SLC28A1: variants seen among roughly 807,000 people sequenced by gnomAD.
SLC28A1 encodes the protein sodium/nucleoside cotransporter 1.
A neutral mutation model predicts 74.8 loss-of-function variants in SLC28A1; 64 were observed. The observed-to-expected ratio is 0.86, with a 90% CI of 0.70 to 1.05. The LOEUF (loss-of-function observed/expected upper bound fraction) is 1.05, where lower values mean the gene tolerates loss of function less well. SLC28A1 is among the 50% of genes least tolerant of loss of function. SLC28A1 has a pLI of 0.00. For missense variants in SLC28A1, 828 were observed against 822.8 expected (o/e 1.01, Z -0.08); for synonymous variants, 359 against 335.0 (o/e 1.07, Z -0.78).
chr15:84,924,910 G>GGT (rs1970303412), intron 12 of SLC28A1, among the ~76,000 whole-genome samples: 1 of 146,424 alleles, frequency 6.8e-6, no homozygotes, highest in African/African-American at 2.5e-5. Context: ...TTTTTTGTTT[G>GGT]TTTGTTTTTG....
At chr15:84,918,233 G>A (rs1969375512) in intron 9 of SLC28A1, among the ~76,000 whole-genome samples, 1 of 152,106 alleles carries the variant, frequency 6.6e-6, no homozygotes. Flanking sequence ...GGTACACTCA[G>A]GCCCCACCCT....
chr15:84,888,728 TGGGTAA>T, intron 3 of SLC28A1, 38 bp from the exon 4 acceptor site: 1 of 1,399,146 alleles, frequency 7.1e-7, no homozygotes, highest in Non-Finnish European at 9.9e-7. Flanking sequence ...TTCCTGGGGG[TGGGTAA>T]GGGGCAGGCC....
In SLC28A1 at chr15:84,920,703, G is replaced by GTGTGTGTGTGTGTGTGTGTGTGT. The variant is rs113735505; in HGVS notation, c.877-286_877-285insTGTGTGTGTGTGTGTGTGTGTGT. ...TAATGTGTATTGGTAATCTCCAAGG[G>GTGTGTGTGTGTGTGTGTGTGTGT]GTGTGTGTGTGTGTGTGTGTGCATT... On this transcript the variant is annotated intron_variant, in intron 10 of 18. Transcript: ENST00000394573. 2.4e-3 allele frequency among the ~76,000 whole-genome samples: 336 copies of GTGTGTGTGTGTGTGTGTGTGTGT among 137,394 alleles called. 1 individual carries two copies. The highest frequency in any genetic ancestry group is 0.021 in the Middle Eastern group (5 of 240). 90.1% of individuals were successfully genotyped at this position (137,394 alleles called of 152,430 possible).
intron 15 of SLC28A1, among the ~76,000 whole-genome samples, chr15:84,942,316 G>T (rs1876417606): frequency 6.6e-6 from 1 of 152,068 alleles, no homozygotes; most frequent in Non-Finnish European, 1.5e-5. Flanking sequence ...ATTTTTAAAT[G>T]TACAATTAAG....
At chr15:84,887,721 G>T in intron 2 of SLC28A1, 24 bp from the exon 3 acceptor site, 1 of 1,606,286 alleles carries the variant, frequency 6.2e-7, no homozygotes, top group Non-Finnish European at 8.5e-7. Context: ...TTCAGCGTTG[G>T]GCGCTCCCTG....
intron 6 of SLC28A1, chr15:84,896,121 A>C (rs1965973721): frequency 4.2e-6 from 1 of 237,054 alleles, no homozygotes; most frequent in Non-Finnish European, 6.9e-6. Context: ...TAAAAAATGC[A>C]TGCAGATAAA....
At chr15:84,968,335 C>T in the SLC28A1 span, among the ~76,000 whole-genome samples, 1 of 152,180 alleles carries the variant, frequency 6.6e-6, no homozygotes, top group Non-Finnish European at 1.5e-5. Context: ...TGTTCTGGCT[C>T]AGGGTCTCTC....
rs113959720 is a variant in SLC28A1, at chr15:84,902,395, G to A, written c.462-1702G>A. Among the ~76,000 whole-genome samples, 1,462 of 151,970 alleles carry A rather than the reference G, an allele frequency of 9.6e-3. 27 individuals carry two copies. The highest frequency in any genetic ancestry group is 0.034 in the African/African-American group (1,406 of 41,420). On this transcript the variant is annotated intron_variant, in intron 6 of 18. Transcript: ENST00000394573. The stretch of plus-strand genomic sequence containing the variant: ...CTTGGGAAGCTGAGGCAGGAAAAGC[G>A]CTTAAACCCCGGAGGTGGAGGTTGC...
chr15:84,924,004 T>C lies in SLC28A1; in HGVS notation c.977T>C (p.Ile326Thr), dbSNP rs116218523. Residue 326 changes from isoleucine (I) to threonine (T), a missense_variant, in exon 12 of 19, where the codon ATC (isoleucine) becomes ACC (threonine). Coordinates refer to ENST00000394573, the MANE Select transcript of SLC28A1 (RefSeq NM_004213.5). ...FVSQTEAPLL[I>T]RPYLADMTLS... ...TTGCAGACCGAGGCTCCATTACTGA[T>C]CCGGCCCTACTTGGCAGACATGACA... 3.5e-5 allele frequency: 56 copies of C among 1,614,026 alleles called. 1 individual carries two copies. In the African/African-American group the frequency reaches 6.1e-4, roughly 18 times the overall value.
intron 15 of SLC28A1, among the ~76,000 whole-genome samples, chr15:84,936,550 C>T (rs1971966236): frequency 6.6e-6 from 1 of 152,178 alleles, no homozygotes; most frequent in South Asian, 2.1e-4. Flanking sequence ...AGCCACCATA[C>T]CCGGCCATCA....
intron 15 of SLC28A1, among the ~76,000 whole-genome samples, chr15:84,937,352 T>A (rs958861565): frequency 1.3e-5 from 2 of 152,194 alleles, no homozygotes; most frequent in African/African-American, 2.4e-5. Context: ...GACTCCCACA[T>A]GAGTCTTCAC....
rs140778834 is a variant in SLC28A1, at chr15:84,884,947, G to A, written c.-133+196G>A. Among the ~76,000 whole-genome samples, 1,297 of 152,198 alleles carry A rather than the reference G, an allele frequency of 8.5e-3. 12 individuals carry two copies. Among genetic ancestry groups the A allele is most frequent in the Middle Eastern group, 0.027 (8 of 294 alleles). On this transcript the variant is annotated intron_variant, in intron 1 of 18. Transcript: ENST00000394573. ...ATGGAGACAGTAGTGCTGCTCAGAGGCATTTAGTTTTTGTTTCTTTTCTGT... is the reference window on the plus strand; with the variant it reads ...ATGGAGACAGTAGTGCTGCTCAGAGACATTTAGTTTTTGTTTCTTTTCTGT...
At chr15:84,895,778 G>T in intron 6 of SLC28A1, 4 of 1,186,902 alleles carry the variant, frequency 3.4e-6, no homozygotes, top group Admixed American at 4.0e-5. Flanking sequence ...AGTTTCTATG[G>T]CTTAAAAAAA....
intron 12 of SLC28A1, chr15:84,926,499 A>G (rs766662755): frequency 1.1e-5 from 5 of 451,990 alleles, no homozygotes; most frequent in African/African-American, 4.0e-5. Flanking sequence ...CATTGCATCC[A>G]GCTTCAATCA....
chr15:84,895,940 A>G (rs1238613706), intron 6 of SLC28A1: 1 of 989,492 alleles, frequency 1.0e-6, no homozygotes, highest in African/African-American at 1.7e-5. Flanking sequence ...CAGCAAAATG[A>G]TTTGAGCCAG....
intron 8 of SLC28A1, among the ~76,000 whole-genome samples, chr15:84,908,067 G>T (rs573937911): frequency 6.6e-6 from 1 of 152,100 alleles, no homozygotes; most frequent in South Asian, 2.1e-4. Context: ...AGACTTTGCC[G>T]TTGGTTGTCA....
chr15:84,918,469 C>A, intron 9 of SLC28A1, 55 bp from the exon 10 acceptor site: 1 of 1,422,192 alleles, frequency 7.0e-7, no homozygotes, highest in Admixed American at 1.7e-5. Context: ...CCCCGCCTGG[C>A]ACCCTGCATC....
chr15:84,936,614 AT>A (rs1567183487), intron 15 of SLC28A1, among the ~76,000 whole-genome samples: 3 of 152,254 alleles, frequency 2.0e-5, no homozygotes, highest in African/African-American at 7.2e-5. Flanking sequence ...TTCTGTTAAA[AT>A]TTATTTTTAA....
chr15:84,927,370 G>A (rs137944217), intron 12 of SLC28A1, among the ~76,000 whole-genome samples: 8 of 152,290 alleles, frequency 5.3e-5, no homozygotes, highest in African/African-American at 1.7e-4. Flanking sequence ...CCATTTTTAC[G>A]CTCAGGTTCA....
Sources: gnomAD v4.1 joint callset for allele counts (sites outside exome capture counted in the v4.1 genomes callset) on GRCh38, gnomAD v4.1.1 for gene constraint, MANE v1.5 for transcripts, NCBI Gene and HGNC (gene_info 2026-07-23, HGNC 2026-07-21) for gene names.